MTMR10: variants seen among roughly 807,000 people sequenced by gnomAD.
The protein encoded by MTMR10 is myotubularin related protein 10, also known as myotubularin-related protein 10.
A neutral mutation model predicts 88.1 loss-of-function variants in MTMR10; 56 were observed. The ratio of observed to expected loss-of-function variants is 0.64; its 90% CI spans 0.51 to 0.79. The LOEUF (loss-of-function observed/expected upper bound fraction) is 0.79, where lower values mean the gene tolerates loss of function less well. MTMR10 is among the 30% of genes least tolerant of loss of function. The pLI is 0.00. For synonymous variants in MTMR10, 380 were observed against 340.9 expected (o/e 1.11, Z -1.26); for missense variants, 883 against 924.7 (o/e 0.95, Z 0.58).
At chr15:30,968,997 A>G (rs751723145) in intron 5 of MTMR10, among the ~76,000 whole-genome samples, 2 of 152,170 alleles carry the variant, frequency 1.3e-5, no homozygotes, top group Non-Finnish European at 2.9e-5. Flanking sequence ...AAACTTATTT[A>G]AAAGATTAAA....
At chr15:30,958,684 C>G (rs2063359402) in intron 9 of MTMR10, among the ~76,000 whole-genome samples, 179 bp downstream of exon 9, 1 of 152,208 alleles carries the variant, frequency 6.6e-6, no homozygotes. Context: ...TAGTGTAACT[C>G]CAATGTCAGT....
chr15:30,975,456 A>AT (rs1319203951), intron 3 of MTMR10, among the ~76,000 whole-genome samples: 1 of 139,374 alleles, frequency 7.2e-6, no homozygotes, highest in Non-Finnish European at 1.7e-5. Context: ...AGTTAACACT[A>AT]TCAATCTGCT....
At chr15:30,954,621 A>G (rs1230868195) in intron 10 of MTMR10, 142 bp downstream of exon 10, 3 of 913,470 alleles carry the variant, frequency 3.3e-6, no homozygotes, top group South Asian at 3.0e-5. Context: ...TTCTCATACA[A>G]TAATATATAA....
At chr15:30,928,918 C>G in the MTMR10 span, 1 of 473,838 alleles carries the variant, frequency 2.1e-6, no homozygotes, top group Non-Finnish European at 2.8e-6. Flanking sequence ...TCAGCCCTCC[C>G]GAGCACCTGC....
rs751651724 is a variant in MTMR10, at chr15:30,940,655, A to T, written c.*815T>A. Reference sequence around the variant, plus strand: ...TACACCTCTGTGGAATCAGCACCCCAGAGGCCACTCCCCAGTGGCTTTCAG... The same window carrying T: ...TACACCTCTGTGGAATCAGCACCCCTGAGGCCACTCCCCAGTGGCTTTCAG... On this transcript the variant is annotated 3_prime_UTR_variant, in exon 16 of 16. Transcript: ENST00000435680. The T allele has an allele frequency of 1.4e-5, 14 of 986,496 alleles. No individual in the cohort carries two copies. Among genetic ancestry groups the T allele is most frequent in the Non-Finnish European group, 1.7e-5 (14 of 830,896 alleles). The allele number at this position is 986,496 out of a possible 1,614,324, so 61.1% of individuals were successfully genotyped here.
intron 9 of MTMR10, chr15:30,956,267 T>C (rs1025442124): frequency 6.6e-6 from 1 of 152,240 alleles, no homozygotes; most frequent in Admixed American, 6.5e-5. Flanking sequence ...TAATGTGTCA[T>C]GAACCTGCAT....
At chr15:30,987,593 A>G (rs778309033) in intron 2 of MTMR10, among the ~76,000 whole-genome samples, 7 of 152,202 alleles carry the variant, frequency 4.6e-5, no homozygotes, top group Non-Finnish European at 1.0e-4. Context: ...AGAAGTTCAA[A>G]CTTTGGGCAA....
At chr15:30,974,558 A>G (rs1304671473) in intron 4 of MTMR10, 102 bp from the exon 5 acceptor site, 3 of 1,102,008 alleles carry the variant, frequency 2.7e-6, no homozygotes, top group Non-Finnish European at 3.6e-6. Context: ...AGGTCACCCA[A>G]CATTTGAGCT....
At position 30,989,002 on chromosome 15, in the gene MTMR10, A is replaced by T. The variant is rs2031134001; in HGVS notation, c.121+1775T>A. On this transcript the variant is annotated intron_variant, in intron 2 of 15. Transcript: ENST00000435680. ...GACTCTGTCTCAAAAAAAAAAAAAA[A>T]AAAATTTAAAAAAAATTTTAAAAAA... 2.0e-5 allele frequency among the ~76,000 whole-genome samples: 3 copies of T among 151,648 alleles called. No individual in the cohort carries two copies. In the South Asian group the frequency reaches 6.2e-4, roughly 32 times the overall value.
At chr15:30,959,926 AC>A (rs1389517652) in intron 7 of MTMR10, among the ~76,000 whole-genome samples, 1 of 152,256 alleles carries the variant, frequency 6.6e-6, no homozygotes, top group Non-Finnish European at 1.5e-5. Context: ...AATTAAAAAA[AC>A]AAATTCCTAG....
chr15:30,937,205 A>G (rs1284214469), downstream of MTMR10: 2 of 1,614,186 alleles, frequency 1.2e-6, no homozygotes, highest in East Asian at 2.2e-5. Context: ...GGGCTGAAGT[A>G]GAAGTCTGCC....
At chr15:30,928,660 C>T in the MTMR10 span, 6 of 1,613,824 alleles carry the variant, frequency 3.7e-6, no homozygotes, top group Admixed American at 6.7e-5. Context: ...CTGTCAGGTA[C>T]TCCAGTGCCC....
rs764737055 is a variant in MTMR10, at chr15:30,941,683, G to A, written c.2121C>T (p.Cys707=). Reference sequence around the variant, plus strand: ...TCCTGCTCTGGCCCAGCTCCCCATAGCAGGCCTCCAGGGGGCCACTGCGCT... The same window carrying A: ...TCCTGCTCTGGCCCAGCTCCCCATAACAGGCCTCCAGGGGGCCACTGCGCT... ...RQQRSGPLEA[C]YGELGQSRMY... The change falls in exon 16 of 16, where the codon TGC becomes TGT. Residue 707 remains cysteine (C), a synonymous_variant. Coordinates refer to ENST00000435680, the MANE Select transcript of MTMR10 (RefSeq NM_017762.3). 10 of 1,613,692 alleles carry A rather than the reference G, an allele frequency of 6.2e-6. No individual in the cohort carries two copies. The highest frequency in any genetic ancestry group is 8.5e-6 in the Non-Finnish European group (10 of 1,179,754).
At chr15:30,984,329 C>T (rs917652959) in intron 2 of MTMR10, among the ~76,000 whole-genome samples, 11 of 152,110 alleles carry the variant, frequency 7.2e-5, no homozygotes, top group African/African-American at 2.2e-4. Context: ...TAAGGCTCTA[C>T]GGGTAAGGTA....
intron 6 of MTMR10, among the ~76,000 whole-genome samples, chr15:30,967,690 C>T (rs1272956931): frequency 6.6e-6 from 1 of 152,078 alleles, no homozygotes; most frequent in Admixed American, 6.6e-5. Context: ...AAATATCTGA[C>T]ATAACTTATA....
intron 2 of MTMR10, among the ~76,000 whole-genome samples, chr15:30,984,543 C>G (rs2141068383): frequency 6.6e-6 from 1 of 152,074 alleles, no homozygotes; most frequent in Middle Eastern, 3.4e-3. Context: ...AATTAACAAC[C>G]CAACTGAGGA....
At chr15:30,922,289 A>G in the MTMR10 span, 2 of 1,614,126 alleles carry the variant, frequency 1.2e-6, no homozygotes, top group South Asian at 1.1e-5. Context: ...TTGTCCTGAC[A>G]GCAGAGGCCG....
chr15:30,947,438 G>A (rs1374672098), intron 13 of MTMR10, 138 bp from the exon 14 acceptor site: 2 of 972,800 alleles, frequency 2.1e-6, no homozygotes, highest in Admixed American at 5.9e-5. Flanking sequence ...CTTCTAAGCT[G>A]AGCTATACAC....
In MTMR10 at chr15:30,940,210, G is replaced by T. The variant is rs2062993222; in HGVS notation, c.*1260C>A. Reference sequence around the variant, plus strand: ...GGGGGAGGTGGTGCCCCGTTTCACTGCTGTAAGAAGCTTCAGCTTTGACCG... The same window carrying T: ...GGGGGAGGTGGTGCCCCGTTTCACTTCTGTAAGAAGCTTCAGCTTTGACCG... On this transcript the variant is annotated 3_prime_UTR_variant, in exon 16 of 16. Transcript: ENST00000435680. The T allele has an allele frequency of 1.0e-6, 1 of 985,104 alleles. No individual in the cohort carries two copies. Among genetic ancestry groups the T allele is most frequent in the African/African-American group, 1.7e-5 (1 of 57,160 alleles). 61.0% of individuals were successfully genotyped at this position (985,104 alleles called of 1,614,324 possible). A position where few individuals can be genotyped will look rare whatever the true frequency, so the allele number is the denominator to read the frequency against.
Sources: gnomAD v4.1 joint callset for allele counts (sites outside exome capture counted in the v4.1 genomes callset) on GRCh38, gnomAD v4.1.1 for gene constraint, MANE v1.5 for transcripts, NCBI Gene and HGNC (gene_info 2026-07-23, HGNC 2026-07-21) for gene names.